FOCAD: variants seen among roughly 807,000 people sequenced by gnomAD.
FOCAD encodes the protein focadhesin.
Under a neutral mutation model 225.6 loss-of-function variants are expected in FOCAD, and 198 were observed. The ratio of observed to expected loss-of-function variants is 0.88; its 90% CI spans 0.78 to 0.99. The LOEUF (loss-of-function observed/expected upper bound fraction) is 0.99, where lower values mean the gene tolerates loss of function less well. Ranked by LOEUF, FOCAD falls within the 50% of genes least tolerant of loss-of-function variation. The pLI is 0.00. For missense variants in FOCAD, 2,713 were observed against 2,123.6 expected, an observed-to-expected ratio of 1.28 and a Z score of -5.46; for synonymous variants, 897 against 755.0, an observed-to-expected ratio of 1.19 and a Z score of -3.08.
chr9:20,943,701 A>G lies in FOCAD; in HGVS notation c.3408-926A>G, dbSNP rs1454251609. 4.6e-4 allele frequency among the ~76,000 whole-genome samples: 70 copies of G among 152,226 alleles called. 1 individual carries two copies. The highest frequency in any genetic ancestry group is 8.8e-5 in the Non-Finnish European group (6 of 68,040). On this transcript the variant is annotated intron_variant, in intron 28 of 43. Transcript: ENST00000338382. ...GGCATTGAGATACATTATTGGAGAA[A>G]TGCCCTGGAATGTCTTCTTCGGCAG...
chr9:20,992,241 T>G (rs1841736420), intron 42 of FOCAD, among the ~76,000 whole-genome samples: 1 of 152,192 alleles, frequency 6.6e-6, no homozygotes, highest in Non-Finnish European at 1.5e-5. Flanking sequence ...TACTATGAGT[T>G]TCCACCTCAT....
intron 11 of FOCAD, among the ~76,000 whole-genome samples, chr9:20,811,173 T>C (rs1308390280): frequency 6.6e-6 from 1 of 152,064 alleles, no homozygotes; most frequent in Non-Finnish European, 1.5e-5. Context: ...TCTAAAAGCA[T>C]TTACAGTGTG....
At chr9:20,959,546 T>C (rs1025900282) in intron 35 of FOCAD, among the ~76,000 whole-genome samples, 1 of 152,168 alleles carries the variant, frequency 6.6e-6, no homozygotes, top group Admixed American at 6.5e-5. Flanking sequence ...TTTGATGTAA[T>C]CCCATTTATT....
At chr9:20,707,036 A>T (rs1824447877) in intron 1 of FOCAD, among the ~76,000 whole-genome samples, 1 of 152,202 alleles carries the variant, frequency 6.6e-6, no homozygotes, top group Admixed American at 6.5e-5. Context: ...TTGATCACAT[A>T]TTCTTACTGT....
At chr9:20,874,153 C>T (rs1023786742) in intron 18 of FOCAD, 4 of 152,094 alleles carry the variant, frequency 2.6e-5, no homozygotes, top group African/African-American at 9.7e-5. Context: ...TATTCCACAG[C>T]AACAAACTGC....
intron 11 of FOCAD, among the ~76,000 whole-genome samples, chr9:20,815,931 T>C (rs1823684900): frequency 6.6e-6 from 1 of 152,216 alleles, no homozygotes; most frequent in Admixed American, 6.5e-5. Context: ...CACAGATGTC[T>C]ATCTATATCT....
chr9:20,911,314 C>T (rs112974756), intron 22 of FOCAD, among the ~76,000 whole-genome samples: 2,197 of 152,186 alleles, frequency 0.014, 57 homozygotes, highest in African/African-American at 0.05. Context: ...AGTGCCTGAA[C>T]TGGTGAGCCC....
Position 20,866,960 on chromosome 9 carries a change from C to T in FOCAD, c.2138C>T (p.Ser713Phe), listed in dbSNP as rs762310281. 1.4e-6 allele frequency: 2 copies of T among 1,383,268 alleles called. No homozygotes were observed. Among genetic ancestry groups the T allele is most frequent in the Non-Finnish European group, 9.6e-7 (1 of 1,036,840 alleles). The allele number at this position is 1,383,268 out of a possible 1,614,324, so 85.7% of individuals were successfully genotyped here. The change falls in exon 18 of 44, where the codon TCC (serine) becomes TTC (phenylalanine). Residue 713 changes from serine to phenylalanine, a missense_variant. Physicochemically the swap from Ser to Phe is radical, Grantham distance 155. Coordinates refer to ENST00000338382, the MANE Select transcript of FOCAD (RefSeq NM_001375567.1). Reference protein sequence around the residue: ...DPIVANAAYRSLANFSAGEHT... With the variant: ...DPIVANAAYRFLANFSAGEHT... ...ATTGTAGCAAATGCTGCATATAGAT[C>T]CCTGGCCAACTTTAGTGCAGGAGAA...
chr9:20,742,181 C>G (rs982496781), intron 5 of FOCAD, among the ~76,000 whole-genome samples: 2 of 152,182 alleles, frequency 1.3e-5, no homozygotes, highest in Non-Finnish European at 2.9e-5. Flanking sequence ...CCCATTAGAA[C>G]CACCTGGGTG....
rs1429792977 is a variant in FOCAD, at chr9:20,944,690, G to A, written c.3471G>A (p.Gln1157=). ...TCATGAGCCACAGCAGCCAAATGCA[G>A]TCCCGCGTTCACGTAGCAGCATTGC... The part of the protein sequence containing the change: ...LSLMSHSSQM[Q]SRVHVAALLR... Residue 1157 remains glutamine (Q), a synonymous_variant, in exon 29 of 44, where the codon CAG becomes CAA. Transcript: ENST00000338382. 1 of 1,614,030 alleles carries A rather than the reference G, an allele frequency of 6.2e-7. No homozygotes were observed. Among genetic ancestry groups the A allele is most frequent in the African/African-American group, 1.3e-5 (1 of 74,932 alleles).
At chr9:20,804,086 G>A (rs756320083) in intron 11 of FOCAD, among the ~76,000 whole-genome samples, 2 of 151,970 alleles carry the variant, frequency 1.3e-5, no homozygotes, top group Non-Finnish European at 2.9e-5. Context: ...GCCAGAAGGT[G>A]GGTTCGATTC....
intron 22 of FOCAD, among the ~76,000 whole-genome samples, chr9:20,911,696 T>G (rs2132049559): frequency 6.6e-6 from 1 of 152,246 alleles, no homozygotes; most frequent in Middle Eastern, 3.4e-3. Context: ...AACTGAAGCT[T>G]AGAGAAGTGA....
intron 1 of FOCAD, among the ~76,000 whole-genome samples, chr9:20,700,636 C>CAT (rs1823869020): frequency 6.6e-6 from 1 of 151,584 alleles, no homozygotes; most frequent in African/African-American, 2.4e-5. Flanking sequence ...TTAATTTGGA[C>CAT]ATAAAGTTGT....
chr9:20,737,412 T>C (rs776261992), intron 4 of FOCAD, among the ~76,000 whole-genome samples: 2 of 152,216 alleles, frequency 1.3e-5, no homozygotes, highest in Non-Finnish European at 2.9e-5. Flanking sequence ...TTTAATGAAT[T>C]TGTATTTTTT....
intron 21 of FOCAD, among the ~76,000 whole-genome samples, chr9:20,887,651 A>T (rs1301526687): frequency 6.6e-6 from 1 of 152,220 alleles, no homozygotes; most frequent in Non-Finnish European, 1.5e-5. Context: ...ACATTCTCAT[A>T]CAGATCCCTG....
At chr9:20,920,018 A>T (rs1834245657) in intron 24 of FOCAD, among the ~76,000 whole-genome samples, 1 of 152,082 alleles carries the variant, frequency 6.6e-6, no homozygotes, top group African/African-American at 2.4e-5. Context: ...CATCAGAGTG[A>T]ACAGGCAACC....
chr9:20,939,377 C>G (rs1022925645), intron 28 of FOCAD, among the ~76,000 whole-genome samples: 1 of 152,086 alleles, frequency 6.6e-6, no homozygotes, highest in Non-Finnish European at 1.5e-5. Context: ...TCCCTCCTGC[C>G]TCCTCTTACC....
chr9:20,765,020 A>G lies in FOCAD; in HGVS notation c.646A>G (p.Ile216Val), dbSNP rs1829934871. Residue 216 changes from isoleucine (I) to valine (V), a missense_variant, in exon 7 of 44, where the codon ATA becomes GTA. Transcript: ENST00000338382. ...QVLCDKDQPS[I>V]LEQQILQLCC... ...TCTTTGTGACAAAGATCAACCATCAATACTGGAACAGCAGATACTTCAACT... is the reference window on the plus strand; with the variant it reads ...TCTTTGTGACAAAGATCAACCATCAGTACTGGAACAGCAGATACTTCAACT... The G allele has an allele frequency of 3.1e-6, 5 of 1,614,008 alleles. No homozygotes were observed. The highest frequency in any genetic ancestry group is 4.2e-6 in the Non-Finnish European group (5 of 1,180,026).
chr9:20,968,809 A>G (rs1839508085), intron 35 of FOCAD, among the ~76,000 whole-genome samples: 3 of 151,912 alleles, frequency 2.0e-5, no homozygotes, highest in Admixed American at 2.0e-4. Flanking sequence ...CTTTGGGTAT[A>G]TTTGCTCTTC....
Sources: allele counts gnomAD v4.1 joint callset (sites outside exome capture counted in the v4.1 genomes callset), GRCh38; gene constraint gnomAD v4.1.1; transcripts MANE v1.5; gene names NCBI Gene and HGNC (gene_info 2026-07-23, HGNC 2026-07-21).